The following NEGR1 variants were observed in gnomAD, a reference collection of about 807,000 sequenced individuals.
The protein encoded by NEGR1 is IgLON family member 4.
In NEGR1, 10 loss-of-function variants were observed where a neutral mutation model predicts 40.9. The observed-to-expected ratio is 0.24, with a 90% CI of 0.15 to 0.42. NEGR1 has a LOEUF of 0.42. NEGR1 is among the 10% of genes least tolerant of loss of function. The pLI, the probability that NEGR1 is intolerant of heterozygous loss-of-function variation, is 1.00. For synonymous variants in NEGR1, 185 were observed against 166.8 expected, an observed-to-expected ratio of 1.11 and a Z score of -0.84; for missense variants, 352 against 438.9, an observed-to-expected ratio of 0.80 and a Z score of 1.77.
intron 1 of NEGR1, among the ~76,000 whole-genome samples, chr1:72,193,046 A>C (rs1438032986): frequency 6.6e-6 from 1 of 151,786 alleles, no homozygotes; most frequent in Non-Finnish European, 1.5e-5. Context: ...AAATGATGGA[A>C]CCACTCACTA....
chr1:72,251,568 C>T (rs767315493), intron 1 of NEGR1, among the ~76,000 whole-genome samples: 13 of 152,110 alleles, frequency 8.5e-5, no homozygotes, highest in Non-Finnish European at 1.5e-4. Context: ...CCTCATCCTT[C>T]CATGTACTTC....
chr1:71,959,291 A>G (rs1570554217), intron 1 of NEGR1, among the ~76,000 whole-genome samples: 1 of 152,302 alleles, frequency 6.6e-6, no homozygotes, highest in East Asian at 1.9e-4. Context: ...AATTTGTTTA[A>G]CACTGGACCA....
intron 6 of NEGR1, among the ~76,000 whole-genome samples, chr1:71,431,964 G>A (rs1319935563): frequency 6.6e-6 from 1 of 152,170 alleles, no homozygotes; most frequent in African/African-American, 2.4e-5. Context: ...CCTGAGGTAG[G>A]AGCATGCTTG....
intron 6 of NEGR1, among the ~76,000 whole-genome samples, chr1:71,476,338 T>A (rs914184184): frequency 6.6e-6 from 1 of 152,100 alleles, no homozygotes; most frequent in Non-Finnish European, 1.5e-5. Flanking sequence ...TTAAAATCAA[T>A]AAAATAAGCA....
chr1:71,584,978 T>C (rs1027996783), intron 6 of NEGR1, among the ~76,000 whole-genome samples: 2 of 152,148 alleles, frequency 1.3e-5, no homozygotes, highest in African/African-American at 2.4e-5. Flanking sequence ...CTGGCCAAGG[T>C]TGTTGCAACT....
chr1:71,615,106 T>C (rs1463479812), intron 4 of NEGR1, among the ~76,000 whole-genome samples: 2 of 152,166 alleles, frequency 1.3e-5, no homozygotes. Context: ...GTGGCTAAAA[T>C]TATAAACTTG....
intron 6 of NEGR1, among the ~76,000 whole-genome samples, chr1:71,546,571 T>G (rs1391459149): frequency 6.6e-6 from 1 of 151,672 alleles, no homozygotes; most frequent in Non-Finnish European, 1.5e-5. Flanking sequence ...TTTAAACACA[T>G]TAACCCTTTT....
chr1:71,862,255 G>A (rs1473306622), intron 2 of NEGR1, among the ~76,000 whole-genome samples: 1 of 151,996 alleles, frequency 6.6e-6, no homozygotes, highest in Non-Finnish European at 1.5e-5. Flanking sequence ...TAACTAAAAA[G>A]GGTCAAAAAA....
chr1:71,832,171 G>A (rs947858014), intron 2 of NEGR1, among the ~76,000 whole-genome samples: 2 of 151,880 alleles, frequency 1.3e-5, no homozygotes, highest in South Asian at 4.2e-4. Context: ...GGAAATGACA[G>A]GACTCAATGA....
intron 4 of NEGR1, among the ~76,000 whole-genome samples, chr1:71,693,474 A>G (rs1212840696): frequency 6.6e-6 from 1 of 151,590 alleles, no homozygotes; most frequent in Non-Finnish European, 1.5e-5. Flanking sequence ...GGACAGCAAA[A>G]TCCGTTTCCA....
chr1:71,915,992 A>G (rs1211429764), intron 2 of NEGR1, among the ~76,000 whole-genome samples: 5 of 152,160 alleles, frequency 3.3e-5, no homozygotes, highest in Admixed American at 2.6e-4. Flanking sequence ...TTAGGAAAGA[A>G]CAAAAACACA....
intron 1 of NEGR1, among the ~76,000 whole-genome samples, chr1:72,105,533 A>G (rs192563112): frequency 3.3e-5 from 5 of 151,610 alleles, no homozygotes; most frequent in Admixed American, 2.6e-4. Flanking sequence ...GCGATACCTC[A>G]TCTCTCCACA....
At chr1:71,790,052 T>A (rs1186631000) in intron 2 of NEGR1, among the ~76,000 whole-genome samples, 1 of 152,074 alleles carries the variant, frequency 6.6e-6, no homozygotes, top group African/African-American at 2.4e-5. Context: ...AATAACCCAA[T>A]TTACCTTTTG....
chr1:71,579,230 G>A (rs1317217094), intron 6 of NEGR1, among the ~76,000 whole-genome samples: 1 of 152,096 alleles, frequency 6.6e-6, no homozygotes, highest in Non-Finnish European at 1.5e-5. Context: ...CCAGTCACAT[G>A]GGATTTCTAT....
intron 6 of NEGR1, among the ~76,000 whole-genome samples, chr1:71,478,501 C>T (rs903065523): frequency 1.7e-4 from 26 of 151,948 alleles, no homozygotes; most frequent in African/African-American, 4.3e-4. Context: ...TCTTAGTGGC[C>T]GTCTCTTTCT....
chr1:71,825,089 G>T (rs1658572979), intron 2 of NEGR1, among the ~76,000 whole-genome samples: 1 of 151,822 alleles, frequency 6.6e-6, no homozygotes, highest in Non-Finnish European at 1.5e-5. Flanking sequence ...TCTCCAAAAG[G>T]ATGGCACCAT....
chr1:71,447,832 G>C (rs1422779210), intron 6 of NEGR1, among the ~76,000 whole-genome samples: 1 of 152,112 alleles, frequency 6.6e-6, no homozygotes, highest in Non-Finnish European at 1.5e-5. Context: ...ATGAATGAAT[G>C]AAATATTTTT....
chr1:72,000,107 C>T (rs1315648305), intron 1 of NEGR1, among the ~76,000 whole-genome samples: 1 of 151,970 alleles, frequency 6.6e-6, no homozygotes, highest in Non-Finnish European at 1.5e-5. Context: ...ACTTTTAAAT[C>T]TCCAACTTAT....
At chr1:72,196,917 T>C (rs186785565) in intron 1 of NEGR1, among the ~76,000 whole-genome samples, 2 of 152,190 alleles carry the variant, frequency 1.3e-5, no homozygotes, top group East Asian at 3.9e-4. Flanking sequence ...ATTTTCTAAT[T>C]TTCCTGTGTG....
Sources: allele counts gnomAD v4.1 joint callset (sites outside exome capture counted in the v4.1 genomes callset), GRCh38; gene constraint gnomAD v4.1.1; transcripts MANE v1.5; gene names NCBI Gene and HGNC (gene_info 2026-07-23, HGNC 2026-07-21).